Variants in CDH11 observed in about 807,000 individuals in gnomAD.
CDH11 encodes cadherin-11.
In CDH11, 11 loss-of-function variants were observed where a neutral mutation model predicts 67.8. The observed-to-expected ratio is 0.16, with a 90% CI of 0.10 to 0.27. The LOEUF (loss-of-function observed/expected upper bound fraction) is 0.27, where lower values mean the gene tolerates loss of function less well. CDH11 is among the 10% of genes least tolerant of loss of function. The pLI is 1.00. For missense variants in CDH11, 847 were observed against 1,031.2 expected, an observed-to-expected ratio of 0.82 and a Z score of 2.45; for synonymous variants, 419 against 400.0, an observed-to-expected ratio of 1.05 and a Z score of -0.57.
chr16:65,093,549 G>T (rs552762570), intron 1 of CDH11, among the ~76,000 whole-genome samples: 1 of 151,842 alleles, frequency 6.6e-6, no homozygotes, highest in Non-Finnish European at 1.5e-5. Flanking sequence ...ATTATTTTTC[G>T]ACATGAATTT....
At chr16:64,988,087 G>A (rs958128153) in intron 7 of CDH11, 70 bp downstream of exon 7, 6 of 1,269,466 alleles carry the variant, frequency 4.7e-6, no homozygotes, top group Non-Finnish European at 6.5e-6. Context: ...TCGCCTCCCT[G>A]TTTCTTGCAG....
chr16:64,987,546 A>G (rs1327445294), intron 7 of CDH11: 2 of 150,456 alleles, frequency 1.3e-5, no homozygotes, highest in Admixed American at 6.6e-5. Context: ...TATTGAGCGC[A>G]TGTAAAAAAG....
chr16:65,022,934 G>A (rs548522604), intron 2 of CDH11, among the ~76,000 whole-genome samples: 22 of 152,318 alleles, frequency 1.4e-4, no homozygotes, highest in Admixed American at 1.4e-3. Flanking sequence ...CAACACAACA[G>A]AGGACCTCAT....
At chr16:65,049,833 C>G (rs576966790) in intron 2 of CDH11, among the ~76,000 whole-genome samples, 1 of 152,194 alleles carries the variant, frequency 6.6e-6, no homozygotes, top group South Asian at 2.1e-4. Context: ...GACACTTGGC[C>G]TCCTTCTCCA....
At chr16:64,948,577 T>G (rs769686559) in intron 12 of CDH11, 9 of 1,502,450 alleles carry the variant, frequency 6.0e-6, no homozygotes, top group East Asian at 4.7e-5. Flanking sequence ...GAAAGAGTAT[T>G]GGTCCTATAC....
intron 1 of CDH11, among the ~76,000 whole-genome samples, chr16:65,064,196 A>G (rs145836677): frequency 2.0e-5 from 3 of 152,260 alleles, no homozygotes; most frequent in Non-Finnish European, 4.4e-5. Flanking sequence ...TCCCCCAGCA[A>G]GCCAAGGGGC....
rs759033443 is a variant in CDH11, at chr16:64,943,853, G to T, written c.*3750C>A. Reference sequence around the variant, plus strand: ...GGTAAACAAGAAAGCAAGATTCCCTGCCCTCATGGAGCTTACATTCTAGTG... The same window carrying T: ...GGTAAACAAGAAAGCAAGATTCCCTTCCCTCATGGAGCTTACATTCTAGTG... On this transcript the variant is annotated 3_prime_UTR_variant, in exon 13 of 13. Transcript: ENST00000268603. 3 of 226,636 alleles carry T rather than the reference G, an allele frequency of 1.3e-5. No homozygotes were observed. The highest frequency in any genetic ancestry group is 5.7e-5 in the Admixed American group (1 of 17,534). 14.0% of individuals were successfully genotyped at this position (226,636 alleles called of 1,614,324 possible).
chr16:65,032,731 C>A (rs1485229376), intron 2 of CDH11, among the ~76,000 whole-genome samples: 1 of 152,124 alleles, frequency 6.6e-6, no homozygotes, highest in Non-Finnish European at 1.5e-5. Flanking sequence ...CTGTATGTAC[C>A]AAATCACAGC....
chr16:64,960,514 G>A (rs1253947018), intron 11 of CDH11, among the ~76,000 whole-genome samples: 13 of 152,066 alleles, frequency 8.5e-5, no homozygotes, highest in Non-Finnish European at 2.9e-5. Flanking sequence ...TATTCCTGGA[G>A]CACTAGGACA....
chr16:65,051,832 T>C (rs1221073471), intron 2 of CDH11, among the ~76,000 whole-genome samples: 1 of 152,184 alleles, frequency 6.6e-6, no homozygotes, highest in Non-Finnish European at 1.5e-5. Context: ...GATTCTAAGT[T>C]TCCTGAGGCT....
chr16:64,988,103 C>A, intron 7 of CDH11, 54 bp downstream of exon 7: 2 of 1,406,312 alleles, frequency 1.4e-6, no homozygotes, highest in South Asian at 2.9e-5. Context: ...TGCAGTGTTG[C>A]CTTGGCAGAG....
chr16:65,085,716 G>A (rs1005776305), intron 1 of CDH11, among the ~76,000 whole-genome samples: 1 of 152,102 alleles, frequency 6.6e-6, no homozygotes, highest in African/African-American at 2.4e-5. Flanking sequence ...TTAAAATGAG[G>A]GAACTAAGAG....
At chr16:64,958,741 G>T (rs770458529) in intron 11 of CDH11, among the ~76,000 whole-genome samples, 1 of 152,056 alleles carries the variant, frequency 6.6e-6, no homozygotes, top group Non-Finnish European at 1.5e-5. Context: ...TGGTTAATTA[G>T]TTGAATTCCA....
At chr16:65,005,996 C>T (rs890845245) in intron 2 of CDH11, among the ~76,000 whole-genome samples, 12 of 152,218 alleles carry the variant, frequency 7.9e-5, no homozygotes, top group African/African-American at 2.7e-4. Flanking sequence ...CTCTCCAGCA[C>T]TCTGGTTCTT....
intron 1 of CDH11, among the ~76,000 whole-genome samples, 197 bp from the exon 2 acceptor site, chr16:65,054,125 G>A (rs755283180): frequency 6.6e-5 from 10 of 152,136 alleles, no homozygotes; most frequent in East Asian, 1.9e-4. Flanking sequence ...AAGTACCACC[G>A]GATAGTGTGA....
At chr16:65,065,926 C>G (rs2074305467) in intron 1 of CDH11, among the ~76,000 whole-genome samples, 1 of 152,188 alleles carries the variant, frequency 6.6e-6, no homozygotes, top group Non-Finnish European at 1.5e-5. Flanking sequence ...ATAGATAACC[C>G]CTATTTGAAA....
chr16:65,122,267 T>C, upstream of CDH11: 2 of 396,442 alleles, frequency 5.0e-6, no homozygotes, highest in Non-Finnish European at 9.1e-6. Flanking sequence ...TCCGCGCCCC[T>C]CCCCCCAGGG....
At chr16:65,015,423 A>C (rs2142560748) in intron 2 of CDH11, among the ~76,000 whole-genome samples, 1 of 152,038 alleles carries the variant, frequency 6.6e-6, no homozygotes, top group East Asian at 1.9e-4. Context: ...TAACTAACTT[A>C]TTCAAAATAA....
At chr16:65,004,133 G>T (rs529477207) in intron 3 of CDH11, among the ~76,000 whole-genome samples, 1 of 152,188 alleles carries the variant, frequency 6.6e-6, no homozygotes, top group Non-Finnish European at 1.5e-5. Context: ...TTGGGAGGCT[G>T]ATGAGGGAGG....
Sources: allele counts gnomAD v4.1 joint callset (sites outside exome capture counted in the v4.1 genomes callset), GRCh38; gene constraint gnomAD v4.1.1; transcripts MANE v1.5; gene names NCBI Gene and HGNC (gene_info 2026-07-23, HGNC 2026-07-21).